Variants in DYRK4 observed in about 807,000 individuals in gnomAD.
DYRK4 encodes the protein dual specificity tyrosine-phosphorylation-regulated kinase 4.
A neutral mutation model predicts 68.3 loss-of-function variants in DYRK4; 64 were observed. The ratio of observed to expected loss-of-function variants is 0.94; its 90% confidence interval spans 0.77 to 1.15. DYRK4 has a LOEUF of 1.15. Among genes scored for constraint, DYRK4 ranks in the 50% most tolerant of loss-of-function variants. DYRK4 has a pLI of 0.00. For synonymous variants in DYRK4, 274 were observed against 289.9 expected (o/e 0.95, Z 0.56); for missense variants, 740 against 764.7 (o/e 0.97, Z 0.38).
At chr12:4,580,478 T>C (rs1276611817) in intron 2 of DYRK4, among the ~76,000 whole-genome samples, 1 of 152,194 alleles carries the variant, frequency 6.6e-6, no homozygotes, top group Admixed American at 6.5e-5. Context: ...TGCTGTGATT[T>C]GTTCAAGGTC....
At chr12:4,568,990 G>A (rs1381745604) in intron 2 of DYRK4, among the ~76,000 whole-genome samples, 1 of 152,176 alleles carries the variant, frequency 6.6e-6, no homozygotes, top group East Asian at 1.9e-4. Context: ...TGGCAGAACT[G>A]GAGTTCAGCA....
chr12:4,606,825 A>G (rs998166656), intron 11 of DYRK4, among the ~76,000 whole-genome samples: 1 of 152,182 alleles, frequency 6.6e-6, no homozygotes, highest in Non-Finnish European at 1.5e-5. Flanking sequence ...CCACACTGTA[A>G]TTTCCTTATC....
intron 10 of DYRK4, chr12:4,602,414 G>A: frequency 9.4e-6 from 9 of 955,866 alleles, no homozygotes; most frequent in Non-Finnish European, 1.5e-5. Context: ...AGTATGTTGA[G>A]GTCACTGATG....
intron 9 of DYRK4, 103 bp downstream of exon 9, chr12:4,599,269 ACTT>A: frequency 1.5e-6 from 1 of 647,112 alleles, no homozygotes; most frequent in Non-Finnish European, 2.2e-6. Context: ...ATTGCCTTTG[ACTT>A]TTTTTTTTTT....
intron 10 of DYRK4, 145 bp downstream of exon 10, chr12:4,599,933 C>A: frequency 1.5e-6 from 1 of 650,486 alleles, no homozygotes; most frequent in Non-Finnish European, 2.7e-6. Context: ...TTCTCTGAGC[C>A]CAAGTTGCCT....
intron 1 of DYRK4, among the ~76,000 whole-genome samples, chr12:4,564,116 G>T (rs1311537518): frequency 2.6e-5 from 4 of 152,150 alleles, no homozygotes; most frequent in Non-Finnish European, 4.4e-5. Context: ...AGGGATATAT[G>T]CAGAGGGTCC....
At position 4,605,042 on chromosome 12, in the gene DYRK4, T is replaced by C; in HGVS notation, c.1255T>C (p.Phe419Leu). ...TAELYTGYPL[F>L]PGENEVEQLA... ...GGAGTTGTACACGGGCTACCCCCTG[T>C]TCCCCGGGGAGAATGAGGTGGAGCA... The change falls in exon 11 of 15, where the codon TTC (phenylalanine) becomes CTC (leucine). Residue 419 changes from phenylalanine (F) to leucine (L), a missense_variant. By Grantham distance (22) the Phe-to-Leu change is conservative (BLOSUM62 0). This residue lies in a region of DYRK4 where 614 missense variants were observed against 603.7 expected (regional missense o/e 1.02). Coordinates refer to ENST00000543431, the MANE Select transcript of DYRK4 (RefSeq NM_001394779.1). The C allele has an allele frequency of 6.2e-7, 1 of 1,613,976 alleles. No homozygotes were observed. The highest frequency in any genetic ancestry group is 2.2e-5 in the East Asian group (1 of 44,858).
Position 4,599,044 on chromosome 12 carries a change from TTGA to T in DYRK4, c.926_928del (p.Met309del), listed in dbSNP as rs560685436. 2.7e-5 allele frequency: 43 copies of T among 1,614,060 alleles called. No individual in the cohort carries two copies. The African/African-American group carries it at 5.2e-4, about 20-fold the overall frequency. ...CTTTTCCAGAATCAACTTGTATGAGTTGATGAAGAATAACAACTTTCAAGGCTT... is the reference window on the plus strand; with the variant it reads ...CTTTTCCAGAATCAACTTGTATGAGTTGAAGAATAACAACTTTCAAGGCTT... On this transcript the variant is annotated inframe_deletion, in exon 9 of 15. Transcript: ENST00000543431.
chr12:4,582,350 T>G (rs1468020319), intron 2 of DYRK4, among the ~76,000 whole-genome samples: 1 of 152,122 alleles, frequency 6.6e-6, no homozygotes, highest in Non-Finnish European at 1.5e-5. Context: ...AGGCTGAGGC[T>G]GGAGAATCGC....
At chr12:4,610,041 C>A in intron 12 of DYRK4, 114 bp from the exon 13 acceptor site, 1 of 791,502 alleles carries the variant, frequency 1.3e-6, no homozygotes. Flanking sequence ...TGGCATGAGG[C>A]GAGTGTGTAA....
intron 10 of DYRK4, chr12:4,603,232 T>C: frequency 1.0e-6 from 1 of 1,002,514 alleles, no homozygotes; most frequent in Non-Finnish European, 1.6e-6. Flanking sequence ...CAGAAAGCTG[T>C]TTGCTGTGTT....
intron 13 of DYRK4, among the ~76,000 whole-genome samples, chr12:4,612,224 C>G (rs1487279713): frequency 6.6e-6 from 1 of 152,088 alleles, no homozygotes; most frequent in African/African-American, 2.4e-5. Context: ...TTTTAATATT[C>G]TTAGCTTACC....
At chr12:4,578,406 G>A (rs1462648056) in intron 2 of DYRK4, among the ~76,000 whole-genome samples, 2 of 151,928 alleles carry the variant, frequency 1.3e-5, no homozygotes, top group African/African-American at 4.8e-5. Context: ...CATTCATTTG[G>A]TTTTTAATTT....
At chr12:4,574,220 A>G (rs1296691270) in intron 2 of DYRK4, among the ~76,000 whole-genome samples, 21 of 107,362 alleles carry the variant, frequency 2.0e-4, no homozygotes, top group Admixed American at 1.8e-3. Flanking sequence ...GCGAGACTCC[A>G]TCTTAAAAAA....
intron 2 of DYRK4, among the ~76,000 whole-genome samples, chr12:4,574,987 A>T (rs4766254): frequency 0.46 from 69,454 of 152,064 alleles, 16,168 homozygotes; most frequent in Middle Eastern, 0.55. Context: ...CCCAAAGTGC[A>T]GGGATCATAG....
chr12:4,597,888 C>A (rs1428142747), intron 8 of DYRK4, among the ~76,000 whole-genome samples: 1 of 151,856 alleles, frequency 6.6e-6, no homozygotes. Flanking sequence ...AAAAACACAT[C>A]TCTACTAAAA....
At chr12:4,610,522 G>A (rs192625132) in intron 13 of DYRK4, 27 of 330,776 alleles carry the variant, frequency 8.2e-5, no homozygotes, top group African/African-American at 4.5e-4. Flanking sequence ...TGGAGGTTGG[G>A]GTTCAAAGAG....
chr12:4,576,628 A>G (rs1478714213), intron 2 of DYRK4, among the ~76,000 whole-genome samples: 1 of 152,170 alleles, frequency 6.6e-6, no homozygotes, highest in Non-Finnish European at 1.5e-5. Context: ...CTGCCTTCCC[A>G]CCAACAATGA....
Position 4,591,498 on chromosome 12 carries a change from T to G in DYRK4, c.463+200T>G. The G allele has an allele frequency of 1.4e-6, 1 of 695,584 alleles. No individual in the cohort carries two copies. The highest frequency in any genetic ancestry group is 2.2e-6 in the Non-Finnish European group (1 of 447,832). The allele number at this position is 695,584 out of a possible 1,614,324, so 43.1% of individuals were successfully genotyped here. ...CAAGAGGCTGAATAGGAGGCTGAAT[T>G]TCCCCCAAGGAGTGGCTCTGGGCAA... On this transcript the variant is annotated intron_variant, in intron 5 of 14. Coordinates refer to ENST00000543431, the MANE Select transcript of DYRK4 (RefSeq NM_001394779.1). The surrounding 1 kb of genome is among the most constrained non-coding windows in gnomAD (Gnocchi z 4.1).
Sources: allele counts gnomAD v4.1 joint callset (sites outside exome capture counted in the v4.1 genomes callset), GRCh38; gene constraint gnomAD v4.1.1; regional missense constraint gnomAD v4.1.1; non-coding constraint Gnocchi (gnomAD v3.1); transcripts MANE v1.5; gene names NCBI Gene and HGNC (gene_info 2026-07-23, HGNC 2026-07-21).